IGSF23: variants seen among roughly 807,000 people sequenced by gnomAD.
IGSF23 encodes immunoglobulin superfamily, member 23.
In IGSF23, 14 loss-of-function variants were observed where a neutral mutation model predicts 17.8. That is an observed-to-expected ratio of 0.79 (90% confidence interval 0.52 to 1.23). The LOEUF (loss-of-function observed/expected upper bound fraction) is 1.23, where lower values mean the gene tolerates loss of function less well. Among genes scored for constraint, IGSF23 ranks in the 50% most tolerant of loss-of-function variants. The pLI, the probability that IGSF23 is intolerant of heterozygous loss-of-function variation, is 0.00. For missense variants in IGSF23, 214 were observed against 241.7 expected, an observed-to-expected ratio of 0.89 and a Z score of 0.76; for synonymous variants, 85 against 92.5, an observed-to-expected ratio of 0.92 and a Z score of 0.46.
chr19:44,623,679 T>C lies in IGSF23; in HGVS notation c.126-28T>C, dbSNP rs144450214. On this transcript the variant is annotated intron_variant, in intron 1 of 4. Coordinates refer to ENST00000402988, the MANE Select transcript of IGSF23 (RefSeq NM_001205280.2). ...CTTTTCTGAGTGGACTCCACTCTTG[T>C]GGCCTTGTTCCCTGTTTGCACAGAC... 1,047 of 1,549,082 alleles carry C rather than the reference T, an allele frequency of 6.8e-4. 5 individuals are homozygous for C. The African/African-American group carries it at 0.013, about 19-fold the overall frequency.
intron 3 of IGSF23, among the ~76,000 whole-genome samples, chr19:44,631,896 G>A (rs1275502937): frequency 6.6e-6 from 1 of 152,180 alleles, no homozygotes; most frequent in African/African-American, 2.4e-5. Context: ...TCCAGCGTGG[G>A]CGTCATGGCC....
intron 2 of IGSF23, among the ~76,000 whole-genome samples, chr19:44,625,958 A>C (rs1487998883): frequency 6.6e-6 from 1 of 152,114 alleles, no homozygotes; most frequent in African/African-American, 2.4e-5. Context: ...ACCTTCTGCC[A>C]TGATTGTGAG....
chr19:44,621,282 C>CAA (rs34896514), intron 1 of IGSF23, among the ~76,000 whole-genome samples: 16 of 123,152 alleles, frequency 1.3e-4, no homozygotes, highest in South Asian at 2.7e-4. Flanking sequence ...GACCCTGTCT[C>CAA]AAAAAAAAAA....
chr19:44,635,351 TC>T, intron 3 of IGSF23, 49 bp from the exon 4 acceptor site: 7 of 607,944 alleles, frequency 1.2e-5, no homozygotes, highest in South Asian at 3.1e-5. Context: ...ATTCTTATTC[TC>T]TCTCTCTCTC....
chr19:44,617,094 A>G (rs1435965797), intron 1 of IGSF23, among the ~76,000 whole-genome samples: 1 of 151,590 alleles, frequency 6.6e-6, no homozygotes, highest in Admixed American at 6.6e-5. Flanking sequence ...ACAGGGCCTC[A>G]CTCAGTTGCC....
intron 1 of IGSF23, among the ~76,000 whole-genome samples, chr19:44,616,109 G>C (rs962447311): frequency 6.6e-6 from 1 of 151,676 alleles, no homozygotes; most frequent in Non-Finnish European, 1.5e-5. Context: ...CAGGTACCTC[G>C]AGAGTGTGAC....
intron 1 of IGSF23, among the ~76,000 whole-genome samples, 174 bp from the exon 2 acceptor site, chr19:44,623,533 G>A (rs1266271060): frequency 1.3e-5 from 2 of 152,188 alleles, no homozygotes; most frequent in Non-Finnish European, 2.9e-5. Context: ...GAAGGGCAAG[G>A]GGTTGGACTG....
intron 2 of IGSF23, 74 bp from the exon 3 acceptor site, chr19:44,627,346 A>G (rs988643474): frequency 4.4e-6 from 6 of 1,366,758 alleles, no homozygotes; most frequent in African/African-American, 2.9e-5. Flanking sequence ...TGGGAGGGGG[A>G]ATGGCAGGAG....
chr19:44,635,952 C>T (rs1372171428), intron 4 of IGSF23, among the ~76,000 whole-genome samples: 1 of 152,158 alleles, frequency 6.6e-6, no homozygotes, highest in East Asian at 1.9e-4. Context: ...CTGCCAGGCT[C>T]GCTCCTGCAT....
intron 1 of IGSF23, 99 bp downstream of exon 1, chr19:44,613,869 T>G (rs1268865456): frequency 6.5e-7 from 1 of 1,548,188 alleles, no homozygotes; most frequent in Non-Finnish European, 8.7e-7. Context: ...TACAGGTCTA[T>G]GAAGACCCCA....
At chr19:44,630,396 T>C (rs1255910138) in intron 3 of IGSF23, among the ~76,000 whole-genome samples, 3 of 152,100 alleles carry the variant, frequency 2.0e-5, no homozygotes, top group Non-Finnish European at 4.4e-5. Context: ...CCCAAGTGAG[T>C]AGAGCTAACG....
chr19:44,623,739 C>T lies in IGSF23; in HGVS notation c.158C>T (p.Ala53Val). ...LQLMPLKTFP[A>V]AIRGVIQSEL... ...CTAATGCCACTGAAGACATTCCCAG[C>T]TGCTATCCGGGGAGTCATCCAGAGT... Residue 53 changes from alanine (A) to valine (V), a missense_variant, in exon 2 of 5, where the codon GCT (alanine) becomes GTT (valine). Physicochemically the swap from Ala to Val is moderately conservative, Grantham distance 64. Transcript: ENST00000402988. 1 of 1,551,136 alleles carries T rather than the reference C, an allele frequency of 6.4e-7. No homozygotes were observed. Among genetic ancestry groups the T allele is most frequent in the Non-Finnish European group, 8.7e-7 (1 of 1,147,104 alleles).
intron 3 of IGSF23, among the ~76,000 whole-genome samples, chr19:44,629,499 C>G (rs1972721358): frequency 6.6e-6 from 1 of 152,036 alleles, no homozygotes. Context: ...GAATTTGAGG[C>G]TGCAGCGAGC....
chr19:44,630,726 G>A (rs1972747057), intron 3 of IGSF23, among the ~76,000 whole-genome samples: 1 of 152,188 alleles, frequency 6.6e-6, no homozygotes, highest in South Asian at 2.1e-4. Flanking sequence ...TCATGGACAT[G>A]GCTGCCTTGA....
Position 44,613,612 on chromosome 19 carries a change from C to A in IGSF23, c.-34C>A. On this transcript the variant is annotated 5_prime_UTR_variant, in exon 1 of 5. Coordinates refer to ENST00000402988, the MANE Select transcript of IGSF23 (RefSeq NM_001205280.2). ...TAGGAGCGGGCGATTCTGCTTCTCC[C>A]TCCATCTCCCGGCGGGGATTGTACG... 6.6e-7 allele frequency: 1 copy of A among 1,516,320 alleles called. No homozygotes were observed. The highest frequency in any genetic ancestry group is 1.2e-5 in the South Asian group (1 of 80,518). 93.9% of individuals were successfully genotyped at this position (1,516,320 alleles called of 1,614,324 possible).
Position 44,623,824 on chromosome 19 carries a change from G to A in IGSF23, c.243G>A (p.Leu81=), listed in dbSNP as rs1972574300. 1.9e-6 allele frequency: 3 copies of A among 1,550,948 alleles called. No homozygotes were observed. Among genetic ancestry groups the A allele is most frequent in the East Asian group, 4.9e-5 (2 of 40,922 alleles). ...WVVTMDPEPV[L]SWTFSGVPCG... is the part of the protein sequence containing the mutation. Reference sequence around the variant, plus strand: ...TGACAATGGACCCTGAGCCTGTGCTGAGCTGGACCTTCAGTGGGGTGCCCT... The same window carrying A: ...TGACAATGGACCCTGAGCCTGTGCTAAGCTGGACCTTCAGTGGGGTGCCCT... Residue 81 remains leucine, a synonymous_variant, in exon 2 of 5, where the codon CTG becomes CTA. Coordinates refer to ENST00000402988, the MANE Select transcript of IGSF23 (RefSeq NM_001205280.2).
intron 1 of IGSF23, among the ~76,000 whole-genome samples, chr19:44,616,584 C>G (rs1047100611): frequency 6.6e-6 from 1 of 151,262 alleles, no homozygotes; most frequent in African/African-American, 2.4e-5. Flanking sequence ...GTAGTCCCAA[C>G]TACTCGGGAG....
chr19:44,614,164 C>T (rs1309403849), intron 1 of IGSF23, among the ~76,000 whole-genome samples: 1 of 152,070 alleles, frequency 6.6e-6, no homozygotes, highest in Admixed American at 6.5e-5. Flanking sequence ...AGAGATGACC[C>T]TATTGGCTTC....
chr19:44,631,992 G>T (rs1334938963), intron 3 of IGSF23, among the ~76,000 whole-genome samples: 1 of 152,188 alleles, frequency 6.6e-6, no homozygotes, highest in East Asian at 1.9e-4. Context: ...GGGGGGGCCT[G>T]TTGGTGCAAT....
Sources: allele counts gnomAD v4.1 joint callset (sites outside exome capture counted in the v4.1 genomes callset), GRCh38; gene constraint gnomAD v4.1.1; transcripts MANE v1.5; gene names NCBI Gene and HGNC (gene_info 2026-07-23, HGNC 2026-07-21).